PBRM1: variants seen among roughly 807,000 people sequenced by gnomAD.
The protein encoded by PBRM1 is protein polybromo-1.
A neutral mutation model predicts 194.5 loss-of-function variants in PBRM1; 27 were observed. The ratio of observed to expected loss-of-function variants is 0.14; its 90% CI spans 0.10 to 0.19. The LOEUF (loss-of-function observed/expected upper bound fraction) is 0.19. Among genes scored for constraint, PBRM1 ranks in the 10% least tolerant of loss-of-function variants. PBRM1 has a pLI of 1.00. For synonymous variants in PBRM1, 655 were observed against 693.2 expected, an observed-to-expected ratio of 0.94 and a Z score of 0.87; for missense variants, 1,466 against 2,077.2, an observed-to-expected ratio of 0.71 and a Z score of 5.72.
chr3:52,642,298 G>A (rs538071866), intron 9 of PBRM1, among the ~76,000 whole-genome samples: 8 of 152,184 alleles, frequency 5.3e-5, no homozygotes, highest in African/African-American at 1.9e-4. Flanking sequence ...TATCTTCTAA[G>A]ATGTTCATAT....
chr3:52,598,345 T>C (rs1390718652), intron 17 of PBRM1, among the ~76,000 whole-genome samples: 2 of 152,202 alleles, frequency 1.3e-5, no homozygotes, highest in Non-Finnish European at 2.9e-5. Context: ...TAATTATCCA[T>C]TTCTCCACTC....
Position 52,548,255 on chromosome 3 carries a change from G to C in PBRM1, c.4898-20C>G. Reference sequence around the variant, plus strand: ...TTCGAGCTGAAAATTAAAGTACAGAGAGACAGAAATTAGAATTTTAAGTTG... The same window carrying C: ...TTCGAGCTGAAAATTAAAGTACAGACAGACAGAAATTAGAATTTTAAGTTG... On this transcript the variant is annotated intron_variant, in intron 29 of 29. Coordinates refer to ENST00000296302, the Ensembl canonical transcript of PBRM1. 6.5e-7 allele frequency: 1 copy of C among 1,539,982 alleles called. No individual in the cohort carries two copies. The highest frequency in any genetic ancestry group is 8.7e-7 in the Non-Finnish European group (1 of 1,148,990).
chr3:52,616,869 T>C (rs1576811643), intron 14 of PBRM1, among the ~76,000 whole-genome samples: 1 of 152,244 alleles, frequency 6.6e-6, no homozygotes, highest in African/African-American at 2.4e-5. Context: ...TTTAATACTA[T>C]TGGCTTTCCT....
At chr3:52,639,550 C>T (rs1379306981) in intron 10 of PBRM1, among the ~76,000 whole-genome samples, 2 of 151,570 alleles carry the variant, frequency 1.3e-5, no homozygotes, top group Non-Finnish European at 2.9e-5. Flanking sequence ...GGAGTAGCTA[C>T]ATATGGCTTA....
chr3:52,618,598 T>G (rs1330119466), intron 13 of PBRM1, among the ~76,000 whole-genome samples: 3 of 150,972 alleles, frequency 2.0e-5, no homozygotes, highest in Admixed American at 6.6e-5. Context: ...TTAGTTTTTT[T>G]TTTTTTTTTT....
At chr3:52,611,954 G>A (rs1011295076) in intron 15 of PBRM1, among the ~76,000 whole-genome samples, 3 of 152,122 alleles carry the variant, frequency 2.0e-5, no homozygotes, top group Admixed American at 2.0e-4. Context: ...CTGGAGGGGA[G>A]TTTACAGATT....
At position 52,647,429 on chromosome 3, in the gene PBRM1, G is replaced by GAA. The variant is rs71637569; in HGVS notation, c.813+913_813+914dup. On this transcript the variant is annotated intron_variant, in intron 7 of 29. Coordinates refer to ENST00000296302, the Ensembl canonical transcript of PBRM1. ...TCCATTCCTAGGTATGTATCAAAGA[G>GAA]AAAAAAAAAAAAAAAAAAAAAAAAA... Among the ~76,000 whole-genome samples the GAA allele has an allele frequency of 1.3e-3, 58 of 44,490 alleles. 1 individual carries two copies. The highest frequency in any genetic ancestry group is 1.9e-3 in the Non-Finnish European group (49 of 26,064). The allele number at this position is 44,490 out of a possible 152,430, so 29.2% of individuals were successfully genotyped here.
chr3:52,679,484 T>A (rs546541693), intron 1 of PBRM1, 90 bp downstream of exon 2: 1 of 1,157,982 alleles, frequency 8.6e-7, no homozygotes, highest in East Asian at 2.4e-5. Flanking sequence ...AAAGTGGAGA[T>A]GCCTTGCATC....
At chr3:52,628,991 T>G (rs758971781) in exon 12 of PBRM1, 1 of 1,607,208 alleles carries the variant, frequency 6.2e-7, no homozygotes, top group Admixed American at 1.7e-5. Context: ...CAGATCACAC[T>G]CCAAATGATC....
At chr3:52,642,727 C>T (rs1049661174) in intron 9 of PBRM1, among the ~76,000 whole-genome samples, 2 of 151,908 alleles carry the variant, frequency 1.3e-5, no homozygotes, top group Middle Eastern at 3.4e-3. Flanking sequence ...ACACTGCCTG[C>T]CTGAGAAACA....
At chr3:52,566,024 T>A (rs765772393) in intron 22 of PBRM1, among the ~76,000 whole-genome samples, 14 of 151,878 alleles carry the variant, frequency 9.2e-5, no homozygotes, top group Non-Finnish European at 1.9e-4. Context: ...CACTCCAGCC[T>A]GGGCGAAAGA....
At chr3:52,555,614 G>T (rs1327183099) in intron 26 of PBRM1, among the ~76,000 whole-genome samples, 1 of 152,218 alleles carries the variant, frequency 6.6e-6, no homozygotes, top group African/African-American at 2.4e-5. Context: ...ACGGAGGAAT[G>T]GCTGGAGAAT....
intron 10 of PBRM1, 86 bp downstream of exon 11, chr3:52,641,868 C>T: frequency 1.2e-6 from 1 of 857,534 alleles, no homozygotes; most frequent in Non-Finnish European, 2.0e-6. Flanking sequence ...ACCAGCAAAC[C>T]CTAGGCCAGA....
At chr3:52,552,426 T>C (rs1199585316) in intron 27 of PBRM1, among the ~76,000 whole-genome samples, 7 of 152,208 alleles carry the variant, frequency 4.6e-5, no homozygotes, top group Non-Finnish European at 1.5e-5. Context: ...AGAGGGGGTC[T>C]TCCCTGACTC....
intron 10 of PBRM1, among the ~76,000 whole-genome samples, chr3:52,641,721 TG>T (rs911753844): frequency 1.3e-5 from 2 of 152,180 alleles, no homozygotes; most frequent in African/African-American, 4.8e-5. Context: ...AACCAGGATC[TG>T]CTAAGTTATC....
chr3:52,594,161 C>A (rs1029483645), intron 17 of PBRM1, among the ~76,000 whole-genome samples: 1 of 152,182 alleles, frequency 6.6e-6, no homozygotes, highest in Admixed American at 6.5e-5. Context: ...GGATTACAGG[C>A]ATGAGCCACT....
intron 6 of PBRM1, among the ~76,000 whole-genome samples, chr3:52,650,529 C>T (rs549209529): frequency 6.6e-6 from 1 of 152,208 alleles, no homozygotes; most frequent in East Asian, 1.9e-4. Context: ...TCCTGGCAAA[C>T]CACAGTGGCT....
intron 3 of PBRM1, among the ~76,000 whole-genome samples, chr3:52,663,831 AG>A (rs1027551757): frequency 6.6e-6 from 1 of 151,940 alleles, no homozygotes; most frequent in African/African-American, 2.4e-5. Flanking sequence ...AGGCTGAAGC[AG>A]GGGGATCATG....
intron 11 of PBRM1, among the ~76,000 whole-genome samples, chr3:52,629,583 T>C (rs1336867622): frequency 6.6e-6 from 1 of 152,244 alleles, no homozygotes; most frequent in African/African-American, 2.4e-5. Flanking sequence ...TTCATTTCTA[T>C]TCTTCCAATA....
Sources: gnomAD v4.1 joint callset for allele counts (sites outside exome capture counted in the v4.1 genomes callset) on GRCh38, gnomAD v4.1.1 for gene constraint, MANE v1.5 for transcripts, NCBI Gene and HGNC (gene_info 2026-07-23, HGNC 2026-07-21) for gene names.